Variants in SLC44A5 observed in about 807,000 individuals in gnomAD.
SLC44A5 encodes choline transporter-like protein 5.
In SLC44A5, 57 loss-of-function variants were observed where a neutral mutation model predicts 101.8. The ratio of observed to expected loss-of-function variants is 0.56; its 90% CI spans 0.45 to 0.70. The LOEUF (loss-of-function observed/expected upper bound fraction) is 0.70, where lower values mean the gene tolerates loss of function less well. Ranked by LOEUF, SLC44A5 falls within the 30% of genes least tolerant of loss-of-function variation. The probability of loss-of-function intolerance (pLI) is 0.00; values close to 1 mark genes in which losing one functional copy is unlikely to be tolerated. For missense variants in SLC44A5, 737 were observed against 853.1 expected (o/e 0.86, Z 1.70); for synonymous variants, 281 against 290.9 (o/e 0.97, Z 0.35).
At chr1:75,220,210 A>T (rs552413724) in intron 14 of SLC44A5, among the ~76,000 whole-genome samples, 36 of 152,254 alleles carry the variant, frequency 2.4e-4, no homozygotes, top group African/African-American at 8.7e-4. Flanking sequence ...TTAAAATTGA[A>T]GAAGACCTTG....
At chr1:75,294,358 G>T (rs1653796885) in intron 5 of SLC44A5, among the ~76,000 whole-genome samples, 1 of 152,100 alleles carries the variant, frequency 6.6e-6, no homozygotes, top group Non-Finnish European at 1.5e-5. Flanking sequence ...GGAGAAAAAA[G>T]GAATTCTTGT....
the SLC44A5 span, among the ~76,000 whole-genome samples, chr1:75,678,460 A>G: frequency 2.0e-5 from 3 of 151,964 alleles, no homozygotes; most frequent in African/African-American, 4.8e-5. Context: ...GACCCCTGAC[A>G]CCCGAGCAGC....
intron 3 of SLC44A5, among the ~76,000 whole-genome samples, chr1:75,395,545 G>C (rs762362944): frequency 2.3e-4 from 35 of 152,210 alleles, no homozygotes; most frequent in Non-Finnish European, 5.0e-4. Flanking sequence ...CTAAGTGTGA[G>C]AACAAACAGC....
At chr1:75,588,957 A>C (rs763340077) in intron 1 of SLC44A5, among the ~76,000 whole-genome samples, 19 of 152,182 alleles carry the variant, frequency 1.2e-4, no homozygotes, top group Non-Finnish European at 2.5e-4. Flanking sequence ...GGAACAAGTT[A>C]ATATTGACAA....
chr1:75,408,638 C>T lies in SLC44A5; in HGVS notation c.14-12017G>A, dbSNP rs112116233. 3.3e-3 allele frequency among the ~76,000 whole-genome samples: 494 copies of T among 150,690 alleles called. 2 individuals are homozygous for T. The highest frequency in any genetic ancestry group is 4.4e-3 in the Non-Finnish European group (298 of 67,836). On this transcript the variant is annotated intron_variant, in intron 2 of 23. Transcript: ENST00000370859. ...AAACCAAACACCACATGTTCTCACT[C>T]ATAAGTGGGAGTTGAACAGTGAGAA...
intron 3 of SLC44A5, among the ~76,000 whole-genome samples, chr1:75,389,927 T>C (rs1038408790): frequency 2.0e-5 from 3 of 152,004 alleles, no homozygotes; most frequent in Middle Eastern, 3.4e-3. Context: ...ACTAGCTAGA[T>C]TAAAAAAGAA....
chr1:75,615,758 C>T, upstream of SLC44A5: 14 of 745,780 alleles, frequency 1.9e-5, no homozygotes, highest in Non-Finnish European at 2.3e-5. Context: ...AGGAGCCTTC[C>T]ACTTGGCCGC....
chr1:75,569,209 T>G (rs1472485039), intron 1 of SLC44A5, among the ~76,000 whole-genome samples: 2 of 151,250 alleles, frequency 1.3e-5, no homozygotes, highest in African/African-American at 4.9e-5. Context: ...CTTTCATGAC[T>G]TTAAGCCCAA....
chr1:75,448,972 C>A (rs1279293672), intron 2 of SLC44A5, among the ~76,000 whole-genome samples: 2 of 152,174 alleles, frequency 1.3e-5, no homozygotes, highest in Admixed American at 6.5e-5. Context: ...CCTTCTCTTT[C>A]TCAACCACAG....
At chr1:75,634,373 C>G in the SLC44A5 span, among the ~76,000 whole-genome samples, 2 of 152,070 alleles carry the variant, frequency 1.3e-5, no homozygotes, top group African/African-American at 4.8e-5. Context: ...GGTTGGTAAG[C>G]TATTAAGCTG....
the SLC44A5 span, among the ~76,000 whole-genome samples, chr1:75,698,969 A>C: frequency 6.6e-6 from 1 of 152,182 alleles, no homozygotes; most frequent in Non-Finnish European, 1.5e-5. Flanking sequence ...AATAAAAAGA[A>C]AGGAACAAAG....
intron 1 of SLC44A5, among the ~76,000 whole-genome samples, chr1:75,554,075 T>C (rs1370542811): frequency 6.6e-6 from 1 of 152,094 alleles, no homozygotes; most frequent in Admixed American, 6.6e-5. Context: ...TTGATAAAAG[T>C]GTATGTAAGG....
chr1:75,483,501 G>A (rs760072231), intron 2 of SLC44A5, among the ~76,000 whole-genome samples: 1 of 151,980 alleles, frequency 6.6e-6, no homozygotes, highest in Non-Finnish European at 1.5e-5. Context: ...ATCCAAATGG[G>A]GGCAAAAATG....
intron 21 of SLC44A5, 38 bp downstream of exon 21, chr1:75,213,881 A>T: frequency 1.3e-6 from 2 of 1,512,962 alleles, no homozygotes; most frequent in Non-Finnish European, 9.0e-7. Context: ...AGCATCTTTT[A>T]AACTTTTTTT....
intron 3 of SLC44A5, among the ~76,000 whole-genome samples, chr1:75,395,975 A>G (rs1446349862): frequency 6.6e-6 from 1 of 152,156 alleles, no homozygotes; most frequent in Non-Finnish European, 1.5e-5. Flanking sequence ...AAATTCTTGA[A>G]GCCAGTGCTG....
At chr1:75,563,731 G>A (rs1237268261) in intron 1 of SLC44A5, among the ~76,000 whole-genome samples, 3 of 152,002 alleles carry the variant, frequency 2.0e-5, no homozygotes, top group Admixed American at 6.6e-5. Flanking sequence ...TTATAAGACC[G>A]CATTATCCTA....
intron 1 of SLC44A5, among the ~76,000 whole-genome samples, chr1:75,565,340 G>C (rs2102019986): frequency 6.6e-6 from 1 of 152,320 alleles, no homozygotes; most frequent in South Asian, 2.1e-4. Context: ...GAGACAAAGA[G>C]AAGTCTAGAG....
rs1159865446 is a variant in SLC44A5, at chr1:75,367,643, G to A, written c.53-28013C>T. On this transcript the variant is annotated intron_variant, in intron 3 of 23. Coordinates refer to ENST00000370859, the MANE Select transcript of SLC44A5 (RefSeq NM_001130058.2). Reference sequence around the variant, plus strand: ...CAGGGACAGATGTGGTTCCTCGTGCGTCCCTTGGTGGATGGTGCTGGTGGC... The same window carrying A: ...CAGGGACAGATGTGGTTCCTCGTGCATCCCTTGGTGGATGGTGCTGGTGGC... Among the ~76,000 whole-genome samples, 10 of 152,186 alleles carry A rather than the reference G, an allele frequency of 6.6e-5. 1 individual carries two copies. In the South Asian group the frequency reaches 1.2e-3, roughly 19 times the overall value.
intron 5 of SLC44A5, among the ~76,000 whole-genome samples, chr1:75,299,832 A>G (rs1654282411): frequency 6.9e-6 from 1 of 145,128 alleles, no homozygotes. Context: ...AACATGGTGA[A>G]ACCTTGTCTC....
Sources: gnomAD v4.1 joint callset for allele counts (sites outside exome capture counted in the v4.1 genomes callset) on GRCh38, gnomAD v4.1.1 for gene constraint, MANE v1.5 for transcripts, NCBI Gene and HGNC (gene_info 2026-07-23, HGNC 2026-07-21) for gene names.